The following DAPK1 variants were observed in gnomAD, a reference collection of about 807,000 sequenced individuals.
DAPK1 encodes the protein death associated protein kinase 1, also known as death-associated protein kinase 1.
In DAPK1, 56 loss-of-function variants were observed where a neutral mutation model predicts 144.9. The ratio of observed to expected loss-of-function variants is 0.39; its 90% CI spans 0.31 to 0.48. The LOEUF is 0.48. DAPK1 is among the 20% of genes least tolerant of loss of function. The probability of loss-of-function intolerance (pLI) is 0.95; values close to 1 mark genes in which losing one functional copy is unlikely to be tolerated. For missense variants in DAPK1, 1,454 were observed against 1,875.4 expected, an observed-to-expected ratio of 0.78 and a Z score of 4.15; for synonymous variants, 690 against 749.0, an observed-to-expected ratio of 0.92 and a Z score of 1.29.
chr9:87,682,398 A>G (rs1400798943), intron 20 of DAPK1, among the ~76,000 whole-genome samples: 1 of 152,206 alleles, frequency 6.6e-6, no homozygotes, highest in Non-Finnish European at 1.5e-5. Flanking sequence ...GAGACCTTCC[A>G]AGAGTTTCCT....
At chr9:87,588,868 A>T (rs1828027569) in intron 2 of DAPK1, among the ~76,000 whole-genome samples, 1 of 151,210 alleles carries the variant, frequency 6.6e-6, no homozygotes, top group South Asian at 2.1e-4. Context: ...AACCATCCAG[A>T]TTAGTGCAGA....
At chr9:87,534,380 T>C (rs36231145) in intron 2 of DAPK1, among the ~76,000 whole-genome samples, 3,376 of 152,136 alleles carry the variant, frequency 0.022, 95 homozygotes, top group African/African-American at 0.074. Flanking sequence ...GGACATTTCA[T>C]TGGATCTTCG....
At chr9:87,498,937 CTAT>C (rs1824292206) in intron 1 of DAPK1, 30 bp from the exon 2 acceptor site, 3 of 630,978 alleles carry the variant, frequency 4.8e-6, no homozygotes, top group Non-Finnish European at 8.5e-6. Flanking sequence ...TGCCATTTTA[CTAT>C]TATTATTGCC....
chr9:87,624,635 A>G (rs1829426968), intron 3 of DAPK1, among the ~76,000 whole-genome samples: 1 of 152,172 alleles, frequency 6.6e-6, no homozygotes. Context: ...CAGCAAGTGG[A>G]CAGGACCCTT....
intron 19 of DAPK1, among the ~76,000 whole-genome samples, chr9:87,678,622 A>C (rs1824493864): frequency 6.6e-6 from 1 of 152,220 alleles, no homozygotes; most frequent in Admixed American, 6.5e-5. Context: ...TACTGCCCCC[A>C]AAACCCTGTG....
intron 2 of DAPK1, among the ~76,000 whole-genome samples, chr9:87,563,596 T>A (rs530937732): frequency 2.0e-5 from 3 of 152,178 alleles, no homozygotes; most frequent in Non-Finnish European, 4.4e-5. Flanking sequence ...GACACTTTGC[T>A]TTTATGTAAA....
chr9:87,552,079 G>T (rs1231457901), intron 2 of DAPK1, among the ~76,000 whole-genome samples: 1 of 152,098 alleles, frequency 6.6e-6, no homozygotes, highest in Non-Finnish European at 1.5e-5. Flanking sequence ...TCACCTTTCA[G>T]GCTGCTGGTG....
chr9:87,616,400 G>T (rs964037185), intron 3 of DAPK1, among the ~76,000 whole-genome samples: 1 of 152,200 alleles, frequency 6.6e-6, no homozygotes, highest in Non-Finnish European at 1.5e-5. Context: ...AGAACAGCAG[G>T]ATCTGAAAAA....
intron 2 of DAPK1, among the ~76,000 whole-genome samples, chr9:87,559,259 T>C (rs1826822428): frequency 6.6e-6 from 1 of 152,016 alleles, no homozygotes. Context: ...ATGCCCCAGG[T>C]ATGCTTCTTT....
rs370639005 is a variant in DAPK1, at chr9:87,605,041, G to A, written c.150G>A (p.Lys50=). 1.2e-6 allele frequency: 2 copies of A among 1,614,214 alleles called. No individual in the cohort carries two copies. The highest frequency in any genetic ancestry group is 8.5e-7 in the Non-Finnish European group (1 of 1,180,036). The part of the protein sequence containing the change: ...AAKFIKKRRT[K]SSRRGVSRED... Reference sequence around the variant, plus strand: ...AATTCATCAAGAAAAGGAGGACTAAGTCCAGCCGGCGGGGTGTGAGCCGCG... The same window carrying A: ...AATTCATCAAGAAAAGGAGGACTAAATCCAGCCGGCGGGGTGTGAGCCGCG... The change falls in exon 3 of 26, where the codon AAG becomes AAA. Residue 50 remains lysine, a synonymous_variant. Transcript: ENST00000408954.
At chr9:87,596,349 G>T (rs1195210162) in intron 2 of DAPK1, among the ~76,000 whole-genome samples, 1 of 152,214 alleles carries the variant, frequency 6.6e-6, no homozygotes, top group African/African-American at 2.4e-5. Context: ...TTTGGGATTT[G>T]TGTGTTTCCC....
At chr9:87,621,276 C>T (rs917307061) in intron 3 of DAPK1, among the ~76,000 whole-genome samples, 2 of 152,176 alleles carry the variant, frequency 1.3e-5, no homozygotes, top group African/African-American at 4.8e-5. Context: ...CAGGATACTC[C>T]AGGGCCCCAT....
chr9:87,664,400 T>C (rs1830978058), intron 18 of DAPK1, among the ~76,000 whole-genome samples: 1 of 152,158 alleles, frequency 6.6e-6, no homozygotes, highest in Non-Finnish European at 1.5e-5. Flanking sequence ...CTGATGGCGC[T>C]CTGCCTTCAG....
intron 2 of DAPK1, among the ~76,000 whole-genome samples, chr9:87,579,274 G>A (rs1827666359): frequency 6.6e-6 from 1 of 152,178 alleles, no homozygotes. Flanking sequence ...GGACCTCCTT[G>A]ATAAATGATG....
intron 21 of DAPK1, among the ~76,000 whole-genome samples, chr9:87,692,162 C>G (rs921453530): frequency 2.0e-5 from 3 of 151,842 alleles, no homozygotes; most frequent in Non-Finnish European, 4.4e-5. Flanking sequence ...TCTGCATGCT[C>G]TGGTGATGGA....
chr9:87,662,626 T>TGGATC (rs1272258846), intron 18 of DAPK1, among the ~76,000 whole-genome samples: 1 of 142,718 alleles, frequency 7.0e-6, no homozygotes, highest in African/African-American at 2.6e-5. Flanking sequence ...GATTTGGGGC[T>TGGATC]GGATCGTCAT....
At chr9:87,593,230 G>A (rs1020280139) in intron 2 of DAPK1, among the ~76,000 whole-genome samples, 2 of 152,194 alleles carry the variant, frequency 1.3e-5, no homozygotes, top group Admixed American at 1.3e-4. Context: ...CCAGTGCCAG[G>A]AATATTTGAA....
At chr9:87,589,055 ATTTTTTTTT>A (rs35875159) in intron 2 of DAPK1, among the ~76,000 whole-genome samples, 6 of 101,200 alleles carry the variant, frequency 5.9e-5, no homozygotes, top group African/African-American at 2.0e-4. Context: ...CGCCCGGCTA[ATTTTTTTTT>A]TTTTTTTTTT....
chr9:87,698,291 T>C (rs550087971), intron 22 of DAPK1: 120 of 182,314 alleles, frequency 6.6e-4, no homozygotes, highest in African/African-American at 2.7e-3. Context: ...CTCTGTGGTG[T>C]TGCTGCACTC....
Sources: allele counts gnomAD v4.1 joint callset (sites outside exome capture counted in the v4.1 genomes callset), GRCh38; gene constraint gnomAD v4.1.1; transcripts MANE v1.5; gene names NCBI Gene and HGNC (gene_info 2026-07-23, HGNC 2026-07-21).